The following NPR1 variants were observed in gnomAD, a reference collection of about 807,000 sequenced individuals.
NPR1 encodes atrial natriuretic peptide receptor 1.
In NPR1, 57 loss-of-function variants were observed where a neutral mutation model predicts 116.9. The observed-to-expected ratio is 0.49, with a 90% CI of 0.39 to 0.61. The LOEUF (loss-of-function observed/expected upper bound fraction) is 0.61. NPR1 is among the 20% of genes least tolerant of loss of function. The pLI is 0.00. For missense variants in NPR1, 1,096 were observed against 1,409.8 expected (o/e 0.78, Z 3.56); for synonymous variants, 555 against 601.6 (o/e 0.92, Z 1.13).
intron 20 of NPR1, among the ~76,000 whole-genome samples, chr1:153,692,710 G>A (rs1382346258): frequency 4.0e-5 from 6 of 151,802 alleles, no homozygotes; most frequent in African/African-American, 1.5e-4. Flanking sequence ...ACGGGGTTTC[G>A]CCATATTGGC....
Position 153,687,774 on chromosome 1 carries a change from G to C in NPR1, c.2233G>C (p.Asp745His). 1 of 1,590,938 alleles carries C rather than the reference G, an allele frequency of 6.3e-7. No individual in the cohort carries two copies. The highest frequency in any genetic ancestry group is 8.6e-7 in the Non-Finnish European group (1 of 1,163,042). Reference protein sequence around the residue: ...RSGVFHVEGLDLSPKEIIERV... With the variant: ...RSGVFHVEGLHLSPKEIIERV... The stretch of plus-strand genomic sequence containing the variant: ...TGGGGTCTTCCACGTGGAAGGTTTG[G>C]ACCTGAGCCCCAAAGGTGAGAGGAG... The change falls in exon 14 of 22, where the codon GAC becomes CAC. Residue 745 changes from aspartate (D) to histidine (H), a missense_variant. Physicochemically the swap from Asp to His is moderately conservative, Grantham distance 81 (BLOSUM62 -1). Transcript: ENST00000368680.
rs1258639121 is a variant in NPR1 at position 153,687,097 on chromosome 1, TA to T, written c.1935+12del. The T allele has an allele frequency of 6.2e-7, 1 of 1,614,090 alleles. No individual in the cohort carries two copies. The highest frequency in any genetic ancestry group is 1.7e-5 in the Admixed American group (1 of 60,014). ...CAATGACATCGTCAAGGTATGCCCCTAAGCACCTATTGGATGTGTAGAGCAG... is the reference window on the plus strand; with the variant it reads ...CAATGACATCGTCAAGGTATGCCCCTAGCACCTATTGGATGTGTAGAGCAG... On this transcript the variant is annotated intron_variant, in intron 12 of 21. Transcript: ENST00000368680.
In NPR1 at chr1:153,693,134, C is replaced by G. The variant is rs761087842; in HGVS notation, c.3060C>G (p.Thr1020=). 2.5e-6 allele frequency: 4 copies of G among 1,613,758 alleles called. No individual in the cohort carries two copies. In the Admixed American group the frequency reaches 5.0e-5, roughly 20 times the overall value. Residue 1020 remains threonine, a synonymous_variant, in exon 21 of 22, where the codon ACC becomes ACG. Transcript: ENST00000368680. ...TGAAGATCCACTTGTCTTCTGAGACCAAGGCTGTCCTGGAGGAGTTTGGTG... is the reference window on the plus strand; with the variant it reads ...TGAAGATCCACTTGTCTTCTGAGACGAAGGCTGTCCTGGAGGAGTTTGGTG... ...EALKIHLSSE[T]KAVLEEFGGF... is the part of the protein sequence containing the mutation.
chr1:153,685,957 T>C (rs1184224043), intron 9 of NPR1, 77 bp downstream of exon 9: 7 of 1,476,232 alleles, frequency 4.7e-6, no homozygotes, highest in Non-Finnish European at 6.6e-6. Flanking sequence ...TGGGGGGTTC[T>C]GAGGGAAGGA....
intron 20 of NPR1, 62 bp downstream of exon 20, chr1:153,690,444 G>GGGGCAGCCTGTGCCT: frequency 1.6e-6 from 2 of 1,284,384 alleles, no homozygotes; most frequent in Non-Finnish European, 2.2e-6. Flanking sequence ...ATGCCATCCT[G>GGGGCAGCCTGTGCCT]GGGCAGCCTG....
At position 153,689,126 on chromosome 1, in the gene NPR1, C is replaced by T; in HGVS notation, c.2564+27C>T. 2 of 1,614,122 alleles carry T rather than the reference C, an allele frequency of 1.2e-6. No homozygotes were observed. The highest frequency in any genetic ancestry group is 1.6e-4 in the Middle Eastern group (1 of 6,062). ...TGAGTGCCTGAGTCTGGGGACCCCC[C>T]CCAACACAAAGCCCCTGTCCCGACC... is the stretch of plus-strand genomic sequence containing the variant. On this transcript the variant is annotated intron_variant, in intron 16 of 21. Transcript: ENST00000368680. This position sits in a 1 kb window ranked among gnomAD's most constrained non-coding sequence, Gnocchi z 5.1.
At chr1:153,693,066 C>T in intron 20 of NPR1, 40 bp from the exon 21 acceptor site, 1 of 1,525,788 alleles carries the variant, frequency 6.6e-7, no homozygotes, top group Non-Finnish European at 9.0e-7. Flanking sequence ...GCTCTCCTCT[C>T]TCACATTGCT....
chr1:153,683,893 G>T (rs1669855376), intron 7 of NPR1, 69 bp downstream of exon 7: 2 of 1,366,946 alleles, frequency 1.5e-6, no homozygotes, highest in East Asian at 4.6e-5. Flanking sequence ...GGAGGCGGTG[G>T]GGACCCAGAG....
chr1:153,688,673 T>C (rs749959587), intron 15 of NPR1: 14 of 500,806 alleles, frequency 2.8e-5, no homozygotes, highest in Non-Finnish European at 5.0e-5. Context: ...CCCTTGTCAT[T>C]CTCCACCTCC....
intron 19 of NPR1, 74 bp from the exon 20 acceptor site, chr1:153,690,210 T>C: frequency 8.3e-7 from 1 of 1,199,950 alleles, no homozygotes. Flanking sequence ...TCTTGGATTG[T>C]CCACCTACCT....
chr1:153,690,350 A>G lies in NPR1; in HGVS notation c.2999A>G (p.Asn1000Ser). The change falls in exon 20 of 22, where the codon AAC (asparagine) becomes AGC (serine). Residue 1000 changes from asparagine (N) to serine (S), a missense_variant. Transcript: ENST00000368680. ...PRYCLFGDTV[N>S]TASRMESNGE... The stretch of plus-strand genomic sequence containing the variant: ...TACTGTCTCTTTGGGGATACAGTCA[A>G]CACAGCCTCAAGAATGGAGTCTAAT... The G allele has an allele frequency of 6.4e-7, 1 of 1,560,012 alleles. No individual in the cohort carries two copies. Among genetic ancestry groups the G allele is most frequent in the Non-Finnish European group, 8.7e-7 (1 of 1,150,654 alleles).
At position 153,681,844 on chromosome 1, in the gene NPR1, G is replaced by C; in HGVS notation, c.1171+5G>C. 1 of 1,613,498 alleles carries C rather than the reference G, an allele frequency of 6.2e-7. No homozygotes were observed. Among genetic ancestry groups the C allele is most frequent in the Non-Finnish European group, 8.5e-7 (1 of 1,179,772 alleles). ...TGTGGAACCGAAGCTTTCAAGGTCA[G>C]GGCCTGGAGGTGGCTGGAATGGGCT... On this transcript the variant is annotated splice_donor_5th_base_variant and intron_variant, in intron 4 of 21. Transcript: ENST00000368680.
intron 9 of NPR1, 27 bp downstream of exon 9, chr1:153,685,907 C>G: frequency 6.3e-7 from 1 of 1,597,230 alleles, no homozygotes; most frequent in African/African-American, 1.3e-5. Context: ...ATCACTGGGC[C>G]TTGGGACTGG....
intron 15 of NPR1, 150 bp from the exon 16 acceptor site, chr1:153,688,803 C>G: frequency 1.1e-6 from 1 of 879,058 alleles, no homozygotes; most frequent in African/African-American, 1.7e-5. Context: ...TCTGTTTTCC[C>G]CTGCTCCCCG....
chr1:153,687,005 T>C lies in NPR1; in HGVS notation c.1864-11T>C. On this transcript the variant is annotated splice_polypyrimidine_tract_variant and intron_variant, in intron 11 of 21. Transcript: ENST00000368680. ...TGCAGGGGATTGGTCTGACTCTTAT[T>C]GCCCCAGCAGGACATTCTGGAGAAT... 6.2e-7 allele frequency: 1 copy of C among 1,614,054 alleles called. No homozygotes were observed. Among genetic ancestry groups the C allele is most frequent in the Non-Finnish European group, 8.5e-7 (1 of 1,179,888 alleles).
Position 153,689,008 on chromosome 1 carries a change from A to G in NPR1, c.2473A>G (p.Asn825Asp), listed in dbSNP as rs371929077. The part of the protein sequence containing the change: ...NLLSRMEQYA[N>D]NLEELVEERT... ...GCTGTCCCGCATGGAGCAGTACGCG[A>G]ACAATCTGGAGGAACTGGTGGAGGA... The change falls in exon 16 of 22, where the codon AAC becomes GAC. Residue 825 changes from asparagine to aspartate, a missense_variant. Physicochemically the swap from Asn to Asp is conservative, Grantham distance 23. Coordinates refer to ENST00000368680, the MANE Select transcript of NPR1 (RefSeq NM_000906.4). The surrounding 1 kb of genome is among the most constrained non-coding windows in gnomAD (Gnocchi z 5.1). 9 of 1,614,052 alleles carry G rather than the reference A, an allele frequency of 5.6e-6. No homozygotes were observed. The African/African-American group carries it at 1.2e-4, about 22-fold the overall frequency.
At position 153,680,683 on chromosome 1, in the gene NPR1, G is replaced by T; in HGVS notation, c.904G>T (p.Ala302Ser). 1 of 1,613,464 alleles carries T rather than the reference G, an allele frequency of 6.2e-7. No homozygotes were observed. Among genetic ancestry groups the T allele is most frequent in the African/African-American group, 1.3e-5 (1 of 75,030 alleles). Residue 302 changes from alanine (A) to serine (S), a missense_variant, in exon 2 of 22, where the codon GCC becomes TCC. By Grantham distance (99) the Ala-to-Ser change is moderately conservative (BLOSUM62 1). Transcript: ENST00000368680. The stretch of plus-strand genomic sequence containing the variant: ...GAGAGGGGATGGGCAGGATGTCAGT[G>T]CCCGCCAGGCCTTTCAGGTGAGTAC... ...WERGDGQDVS[A>S]RQAFQAAKII...
chr1:153,681,571 TC>T, intron 3 of NPR1, 132 bp from the exon 4 acceptor site: 1 of 926,512 alleles, frequency 1.1e-6, no homozygotes, highest in Non-Finnish European at 1.6e-6. Flanking sequence ...TAGTAAAATC[TC>T]CCTGTGATAT....
rs1309229148 is a variant in NPR1, at chr1:153,679,114, G to C, written c.6G>C (p.Pro2=). 8 of 1,428,336 alleles carry C rather than the reference G, an allele frequency of 5.6e-6. No homozygotes were observed. In the South Asian group the frequency reaches 8.9e-5, roughly 16 times the overall value. The allele number at this position is 1,428,336 out of a possible 1,614,324, so 88.5% of individuals were successfully genotyped here. A position where few individuals can be genotyped will look rare whatever the true frequency, so the allele number is the denominator to read the frequency against. The change falls in exon 1 of 22, where the codon CCG becomes CCC. Residue 2 remains proline (P), a synonymous_variant. Coordinates refer to ENST00000368680, the MANE Select transcript of NPR1 (RefSeq NM_000906.4). The surrounding 1 kb of genome is among the most constrained non-coding windows in gnomAD (Gnocchi z 4.2). ...CTGCGGTGCCCGCTGAGGCCATGCCGGGGCCCCGGCGCCCCGCTGGCTCCC... is the reference window on the plus strand; with the variant it reads ...CTGCGGTGCCCGCTGAGGCCATGCCCGGGCCCCGGCGCCCCGCTGGCTCCC... The part of the protein sequence containing the change: M[P]GPRRPAGSRL...
Sources: gnomAD v4.1 joint callset for allele counts (sites outside exome capture counted in the v4.1 genomes callset) on GRCh38, gnomAD v4.1.1 for gene constraint, Gnocchi (gnomAD v3.1) non-coding constraint, MANE v1.5 for transcripts, NCBI Gene and HGNC (gene_info 2026-07-23, HGNC 2026-07-21) for gene names.